KRTAP21-3: variants seen among roughly 807,000 people sequenced by gnomAD.
KRTAP21-3 encodes keratin associated protein 21-3.
For synonymous variants in KRTAP21-3, 22 were observed against 23.4 expected, an observed-to-expected ratio of 0.94 and a Z score of 0.17; for missense variants, 65 against 70.3, an observed-to-expected ratio of 0.92 and a Z score of 0.27.
In KRTAP21-3 at chr21:30,718,696, A is replaced by C; in HGVS notation, c.64T>G (p.Tyr22Asp). Reference sequence around the variant, plus strand: ...CAGTGGGTGCTGTGTATACAGCCATACCCACAACCATAGCAAGAGCCAAAT... The same window carrying C: ...CAGTGGGTGCTGTGTATACAGCCATCCCCACAACCATAGCAAGAGCCAAAT... ...CGFGSCYGCG[Y>D]GCIHSTHCGC... Residue 22 changes from tyrosine to aspartate, a missense_variant, in exon 1 of 1, where the codon TAT (tyrosine) becomes GAT (aspartate). Coordinates refer to ENST00000444335, the MANE Select transcript of KRTAP21-3 (RefSeq NM_001164435.1). 6.5e-7 allele frequency: 1 copy of C among 1,546,582 alleles called. No homozygotes were observed. The highest frequency in any genetic ancestry group is 1.2e-5 in the South Asian group (1 of 82,830).
Position 30,718,771 on chromosome 21 carries a change from A to G in KRTAP21-3, c.-12T>C. On this transcript the variant is annotated 5_prime_UTR_variant, in exon 1 of 1. Coordinates refer to ENST00000444335, the MANE Select transcript of KRTAP21-3 (RefSeq NM_001164435.1). ...TAATTGAAATACATAGTGTCAGGAG[A>G]TGAGAATTCAGCCAGGTAACAGCAT... 6.7e-7 allele frequency: 1 copy of G among 1,497,378 alleles called. No homozygotes were observed. The highest frequency in any genetic ancestry group is 8.9e-7 in the Non-Finnish European group (1 of 1,126,348). The allele number at this position is 1,497,378 out of a possible 1,614,324, so 92.8% of individuals were successfully genotyped here. A position where few individuals can be genotyped will look rare whatever the true frequency, so the allele number is the denominator to read the frequency against.
In KRTAP21-3 at chr21:30,718,703, A is replaced by G. The variant is rs1215103895; in HGVS notation, c.57T>C (p.Gly19=). ...TGCTGTGTATACAGCCATACCCACA[A>G]CCATAGCAAGAGCCAAATCCACAGC... ...CGSCGFGSCY[G]CGYGCIHSTH... Residue 19 remains glycine (G), a synonymous_variant, in exon 1 of 1, where the codon GGT becomes GGC. Coordinates refer to ENST00000444335, the MANE Select transcript of KRTAP21-3 (RefSeq NM_001164435.1). The G allele has an allele frequency of 1.3e-6, 2 of 1,545,762 alleles. No homozygotes were observed. Among genetic ancestry groups the G allele is most frequent in the Non-Finnish European group, 1.7e-6 (2 of 1,144,960 alleles).
rs1214639961 is a variant in KRTAP21-3, at chr21:30,718,672, A to G, written c.88T>C (p.Cys30Arg). ...CAACCATAATAACCGTTACAGCCAC[A>G]GTGGGTGCTGTGTATACAGCCATAC... ...CGYGCIHSTHCGCNGYYGCYE... is the reference protein window; with the variant it reads ...CGYGCIHSTHRGCNGYYGCYE... Residue 30 changes from cysteine (C) to arginine (R), a missense_variant, in exon 1 of 1, where the codon TGT (cysteine) becomes CGT (arginine). Coordinates refer to ENST00000444335, the MANE Select transcript of KRTAP21-3 (RefSeq NM_001164435.1). 6.5e-7 allele frequency: 1 copy of G among 1,549,668 alleles called. No individual in the cohort carries two copies. The highest frequency in any genetic ancestry group is 8.7e-7 in the Non-Finnish European group (1 of 1,146,270).
Position 30,718,525 on chromosome 21 carries a change from A to C in KRTAP21-3, c.*58T>G. On this transcript the variant is annotated 3_prime_UTR_variant, in exon 1 of 1. Transcript: ENST00000444335. ...CATTTTTCTCTAACGGAGAACTATC[A>C]GGATTGAAGGTGATTAAAGCAGAAC... 3 of 1,369,054 alleles carry C rather than the reference A, an allele frequency of 2.2e-6. No homozygotes were observed. Among genetic ancestry groups the C allele is most frequent in the Non-Finnish European group, 2.8e-6 (3 of 1,059,240 alleles). 84.8% of individuals were successfully genotyped at this position (1,369,054 alleles called of 1,614,324 possible).
Sources: allele counts gnomAD v4.1 joint callset, GRCh38; gene constraint gnomAD v4.1.1; transcripts MANE v1.5; gene names NCBI Gene and HGNC (gene_info 2026-07-23, HGNC 2026-07-21).